C1QTNF7: variants seen among roughly 807,000 people sequenced by gnomAD.
C1QTNF7 encodes complement C1q tumor necrosis factor-related protein 7.
A neutral mutation model predicts 19.6 loss-of-function variants in C1QTNF7; 15 were observed. That is an observed-to-expected ratio of 0.76 (90% CI 0.51 to 1.18). The LOEUF (loss-of-function observed/expected upper bound fraction) is 1.18. C1QTNF7 is among the 50% of genes most tolerant of loss of function. C1QTNF7 has a pLI of 0.00. For missense variants in C1QTNF7, 324 were observed against 359.7 expected (o/e 0.90, Z 0.80); for synonymous variants, 142 against 137.5 (o/e 1.03, Z -0.23).
chr4:15,365,978 G>A (rs1231957228), intron 1 of C1QTNF7, among the ~76,000 whole-genome samples: 1 of 152,100 alleles, frequency 6.6e-6, no homozygotes, highest in Non-Finnish European at 1.5e-5. Context: ...CATAAAATAG[G>A]AAAGGCAGTA....
intron 1 of C1QTNF7, among the ~76,000 whole-genome samples, chr4:15,385,055 TTCTG>T (rs1156591627): frequency 1.3e-5 from 2 of 152,348 alleles, no homozygotes; most frequent in Non-Finnish European, 1.5e-5. Context: ...TTCTCTCTTT[TTCTG>T]TCTGTCTTCC....
At chr4:15,352,025 C>G (rs7663994) in intron 1 of C1QTNF7, among the ~76,000 whole-genome samples, 71,770 of 151,994 alleles carry the variant, frequency 0.47, 18,193 homozygotes, top group African/African-American at 0.65. Context: ...AGTGCATCTA[C>G]TGTAACTTGA....
chr4:15,396,443 T>G (rs1718783940), intron 1 of C1QTNF7, among the ~76,000 whole-genome samples: 4 of 152,190 alleles, frequency 2.6e-5, no homozygotes, highest in Admixed American at 2.0e-4. Flanking sequence ...CTATCTTTTC[T>G]CAGCGCTTCC....
upstream of C1QTNF7, among the ~76,000 whole-genome samples, chr4:15,423,416 A>T (rs1349594582): frequency 6.6e-6 from 1 of 152,172 alleles, no homozygotes; most frequent in Non-Finnish European, 1.5e-5. Context: ...CCTTTTTTAA[A>T]TATGCAAACT....
At chr4:15,380,927 T>G (rs1231605962) in intron 1 of C1QTNF7, among the ~76,000 whole-genome samples, 1 of 151,810 alleles carries the variant, frequency 6.6e-6, no homozygotes, top group Non-Finnish European at 1.5e-5. Flanking sequence ...AGAGTGAGAC[T>G]CTGTCTCAAG....
At chr4:15,407,609 A>C (rs1447888539) in intron 1 of C1QTNF7, among the ~76,000 whole-genome samples, 1 of 152,222 alleles carries the variant, frequency 6.6e-6, no homozygotes, top group Non-Finnish European at 1.5e-5. Context: ...ATAAGTCACA[A>C]AATGCAATGT....
chr4:15,388,315 G>A (rs1377790321), intron 1 of C1QTNF7, among the ~76,000 whole-genome samples: 1 of 152,178 alleles, frequency 6.6e-6, no homozygotes, highest in Non-Finnish European at 1.5e-5. Flanking sequence ...ATCATATGTT[G>A]AGATGGAGAG....
intron 1 of C1QTNF7, among the ~76,000 whole-genome samples, chr4:15,350,231 A>G (rs868610518): frequency 4.2e-4 from 27 of 64,270 alleles, no homozygotes; most frequent in Non-Finnish European, 6.0e-4. Flanking sequence ...AGGAAGGAGG[A>G]AAGAAGGGAG....
intron 1 of C1QTNF7, among the ~76,000 whole-genome samples, chr4:15,367,499 A>G (rs1200244741): frequency 6.6e-6 from 1 of 152,204 alleles, no homozygotes; most frequent in Non-Finnish European, 1.5e-5. Flanking sequence ...TAAATTAGAC[A>G]TACTGAGTTG....
At chr4:15,441,222 C>T (rs952796701) in intron 2 of C1QTNF7, among the ~76,000 whole-genome samples, 1 of 152,216 alleles carries the variant, frequency 6.6e-6, no homozygotes, top group Non-Finnish European at 1.5e-5. Context: ...GGTCAGACCA[C>T]AGCTCCATCA....
chr4:15,440,657 C>T (rs904243523), intron 2 of C1QTNF7, among the ~76,000 whole-genome samples: 1 of 152,088 alleles, frequency 6.6e-6, no homozygotes, highest in African/African-American at 2.4e-5. Context: ...CTGCCCGCCT[C>T]GGCCTCCCAA....
chr4:15,397,670 C>G (rs533446691), intron 1 of C1QTNF7, among the ~76,000 whole-genome samples: 10 of 152,184 alleles, frequency 6.6e-5, no homozygotes, highest in Non-Finnish European at 1.5e-4. Context: ...ACAACTCTCT[C>G]TAGGCTGTGA....
intron 2 of C1QTNF7, 81 bp from the exon 3 acceptor site, chr4:15,442,087 T>C: frequency 1.4e-6 from 2 of 1,458,066 alleles, no homozygotes; most frequent in South Asian, 2.8e-5. Flanking sequence ...AAAGTTGGGA[T>C]GTGCTGGGAC....
intron 1 of C1QTNF7, among the ~76,000 whole-genome samples, chr4:15,351,486 AG>A (rs1203853369): frequency 6.6e-6 from 1 of 152,214 alleles, no homozygotes; most frequent in African/African-American, 2.4e-5. Flanking sequence ...TTTGGCAAGT[AG>A]GAGAAACAGA....
At chr4:15,427,766 A>T (rs1170636808), upstream of C1QTNF7, 1 of 152,384 alleles carries the variant, frequency 6.6e-6, no homozygotes, top group East Asian at 1.9e-4. Flanking sequence ...GAGGGAAAAA[A>T]TTAAGTAAAC....
Position 15,349,225 on chromosome 4 carries a change from G to A in C1QTNF7, c.13+9018G>A, listed in dbSNP as rs547094200. Among the ~76,000 whole-genome samples, 4 of 152,268 alleles carry A rather than the reference G, an allele frequency of 2.6e-5. No individual in the cohort carries two copies. In the South Asian group the frequency reaches 6.2e-4, roughly 24 times the overall value. ...ACAATGATTCTCCAGGCTCTTCTTG[G>A]AAACTTTAAATCTTCATTCCCCTTT... On this transcript the variant is annotated intron_variant, in intron 1 of 2. Transcript: ENST00000295297.
chr4:15,349,947 A>C (rs1716854913), intron 1 of C1QTNF7, among the ~76,000 whole-genome samples: 1 of 151,920 alleles, frequency 6.6e-6, no homozygotes, highest in Admixed American at 6.6e-5. Flanking sequence ...AGTTAATCAG[A>C]AAGCTCACTG....
chr4:15,441,282 T>C (rs1004854566), intron 2 of C1QTNF7, among the ~76,000 whole-genome samples: 1 of 152,238 alleles, frequency 6.6e-6, no homozygotes, highest in African/African-American at 2.4e-5. Flanking sequence ...TGGCTCAGCT[T>C]CCTCATTTGC....
At chr4:15,343,437 G>T (rs1024475593) in intron 1 of C1QTNF7, among the ~76,000 whole-genome samples, 5 of 151,546 alleles carry the variant, frequency 3.3e-5, no homozygotes, top group African/African-American at 4.9e-5. Flanking sequence ...TAAGAGAATT[G>T]ACTTTTTTTT....
Sources: gnomAD v4.1 joint callset for allele counts (sites outside exome capture counted in the v4.1 genomes callset) on GRCh38, gnomAD v4.1.1 for gene constraint, MANE v1.5 for transcripts, NCBI Gene and HGNC (gene_info 2026-07-23, HGNC 2026-07-21) for gene names.